Variants in MED23 observed in about 807,000 individuals in gnomAD.
MED23 encodes the protein mediator complex subunit 23, also known as mediator of RNA polymerase II transcription subunit 23.
MED23 carries 105 observed loss-of-function variants against 163.9 expected under a neutral mutation model. That is an observed-to-expected ratio of 0.64 (90% CI 0.55 to 0.75). The LOEUF (loss-of-function observed/expected upper bound fraction) is 0.75, where lower values mean the gene tolerates loss of function less well. Ranked by LOEUF, MED23 falls within the 30% of genes least tolerant of loss-of-function variation. The pLI, the probability that MED23 is intolerant of heterozygous loss-of-function variation, is 0.00. For missense variants in MED23, 1,054 were observed against 1,649.0 expected, an observed-to-expected ratio of 0.64 and a Z score of 6.25; for synonymous variants, 561 against 565.6, an observed-to-expected ratio of 0.99 and a Z score of 0.12.
At position 131,587,170 on chromosome 6, in the gene MED23, G is replaced by A; in HGVS notation, c.*509C>T. 8.5e-7 allele frequency: 1 copy of A among 1,171,670 alleles called. No individual in the cohort carries two copies. Among genetic ancestry groups the A allele is most frequent in the Non-Finnish European group, 1.1e-6 (1 of 936,294 alleles). 72.6% of individuals were successfully genotyped at this position (1,171,670 alleles called of 1,614,324 possible). ...CATTTTAAAAAGAATATGAAGCCTT[G>A]TTTGCTCCTACAATGCAACAAAATC... On this transcript the variant is annotated 3_prime_UTR_variant, in exon 29 of 29. Transcript: ENST00000368068.
intron 30 of MED23, chr6:131,581,098 C>A: frequency 2.1e-6 from 2 of 958,234 alleles, no homozygotes; most frequent in Non-Finnish European, 1.6e-6. Flanking sequence ...AATTCAGAAC[C>A]TATCAGAAAT....
rs1775772659 is a variant in MED23, at chr6:131,605,247, T to C, written c.1606A>G (p.Lys536Glu). 6.2e-7 allele frequency: 1 copy of C among 1,613,560 alleles called. No homozygotes were observed. Among genetic ancestry groups the C allele is most frequent in the Non-Finnish European group, 8.5e-7 (1 of 1,179,648 alleles). ...NLLDSLTVHAKMSLIHSIATR... is the reference protein window; with the variant it reads ...NLLDSLTVHAEMSLIHSIATR... ...TTAATAAAAAGAACATACCTCATTT[T>C]GGCATGAACTGTCAGTGAATCCAGG... The change falls in exon 14 of 29, where the codon AAA (lysine) becomes GAA (glutamate). Residue 536 changes from lysine to glutamate, a missense_variant. Physicochemically the swap from Lys to Glu is moderately conservative, Grantham distance 56. Transcript: ENST00000368068.
chr6:131,604,369 A>C (rs936865342), intron 14 of MED23, 49 bp from the exon 15 acceptor site: 1 of 1,574,164 alleles, frequency 6.4e-7, no homozygotes. Context: ...TTTTGACATA[A>C]ACATAGGGGC....
intron 24 of MED23, chr6:131,592,720 A>C (rs1396377399): frequency 1.7e-6 from 1 of 599,174 alleles, no homozygotes; most frequent in Non-Finnish European, 2.9e-6. Flanking sequence ...TCTTGAAAAC[A>C]AGATGAAGAG....
chr6:131,593,808 A>G lies in MED23; in HGVS notation c.3232+291T>C, dbSNP rs534565480. Among the ~76,000 whole-genome samples the G allele has an allele frequency of 2.2e-4, 34 of 152,274 alleles. 1 individual carries two copies. In the East Asian group the frequency reaches 6.4e-3, roughly 28 times the overall value. On this transcript the variant is annotated intron_variant, in intron 23 of 28. Coordinates refer to ENST00000368068, the MANE Select transcript of MED23 (RefSeq NM_004830.4). ...CATGTGCTACAAAATATAGTATGTA[A>G]GAATAAGATTTTTTCTTTGAAACAA...
intron 16 of MED23, 152 bp downstream of exon 16, chr6:131,602,878 T>C: frequency 1.3e-6 from 1 of 798,646 alleles, no homozygotes; most frequent in Non-Finnish European, 1.9e-6. Flanking sequence ...GCTCCTATAC[T>C]GGAAACAAAA....
chr6:131,605,212 T>C, intron 14 of MED23, 28 bp downstream of exon 14: 16 of 1,611,112 alleles, frequency 9.9e-6, no homozygotes, highest in Non-Finnish European at 1.4e-5. Flanking sequence ...TTCCCTGACA[T>C]GGAACCAAAT....
chr6:131,583,389 G>A (rs1478297270), downstream of MED23: 1 of 1,614,174 alleles, frequency 6.2e-7, no homozygotes, highest in East Asian at 2.2e-5. Context: ...TTTTGATGTT[G>A]ACGGACTGGA....
At chr6:131,613,062 C>A (rs1468371948) in intron 10 of MED23, among the ~76,000 whole-genome samples, 1 of 149,396 alleles carries the variant, frequency 6.7e-6, no homozygotes, top group Admixed American at 6.8e-5. Flanking sequence ...CTTTCAAAAT[C>A]ATATTCTCTG....
At chr6:131,586,053 A>G (rs1774164101), downstream of MED23, among the ~76,000 whole-genome samples, 1 of 152,248 alleles carries the variant, frequency 6.6e-6, no homozygotes, top group South Asian at 2.1e-4. Context: ...CTATGCTAAG[A>G]TTAACACTTG....
chr6:131,614,895 TGTTTTAGTA>T (rs1372079072), intron 10 of MED23, among the ~76,000 whole-genome samples: 1 of 151,692 alleles, frequency 6.6e-6, no homozygotes, highest in African/African-American at 2.4e-5. Flanking sequence ...TTTCTTTATT[TGTTTTAGTA>T]GTCTGGAAAG....
chr6:131,624,764 C>T (rs1777360104), intron 4 of MED23, 101 bp downstream of exon 4: 1 of 1,325,898 alleles, frequency 7.5e-7, no homozygotes, highest in Non-Finnish European at 1.1e-6. Flanking sequence ...ACCTCACCTT[C>T]TTCTTCATTC....
chr6:131,618,887 C>G (rs1776884976), intron 8 of MED23, among the ~76,000 whole-genome samples: 1 of 152,180 alleles, frequency 6.6e-6, no homozygotes, highest in Non-Finnish European at 1.5e-5. Context: ...GATTCTGTAG[C>G]CTACGAAGCT....
chr6:131,623,707 G>A (rs1486960325), intron 4 of MED23, among the ~76,000 whole-genome samples: 1 of 152,096 alleles, frequency 6.6e-6, no homozygotes. Flanking sequence ...CCCCTTCACT[G>A]GGCACTCATT....
intron 30 of MED23, chr6:131,579,446 G>GAAAC: frequency 1.4e-6 from 1 of 694,924 alleles, no homozygotes; most frequent in South Asian, 2.0e-5. Context: ...TTTTATTATA[G>GAAAC]AAACAGACTT....
chr6:131,614,260 C>T (rs1253455533), intron 10 of MED23, among the ~76,000 whole-genome samples: 1 of 152,142 alleles, frequency 6.6e-6, no homozygotes, highest in East Asian at 1.9e-4. Flanking sequence ...AAAAGAGATA[C>T]TGCTATTAGG....
chr6:131,591,506 G>T lies in MED23; in HGVS notation c.3493C>A (p.His1165Asn). ...ALPEPYWIVLHDRIVSVISSP... is the reference protein window; with the variant it reads ...ALPEPYWIVLNDRIVSVISSP... Reference sequence around the variant, plus strand: ...CTGATGACACTCACAATTCGATCATGAAGAACAATCCAATATGGCTCCTTT... The same window carrying T: ...CTGATGACACTCACAATTCGATCATTAAGAACAATCCAATATGGCTCCTTT... The change falls in exon 26 of 29, where the codon CAT becomes AAT. Residue 1165 changes from histidine (H) to asparagine (N), a missense_variant. His to Asn is a moderately conservative substitution (Grantham distance 68). Transcript: ENST00000368068. 1 of 1,613,450 alleles carries T rather than the reference G, an allele frequency of 6.2e-7. No individual in the cohort carries two copies.
chr6:131,623,454 C>A lies in MED23; in HGVS notation c.293G>T (p.Cys98Phe), dbSNP rs748302973. 6.2e-7 allele frequency: 1 copy of A among 1,613,590 alleles called. No homozygotes were observed. The highest frequency in any genetic ancestry group is 8.5e-7 in the Non-Finnish European group (1 of 1,179,636). ...ETGLLPPRLV[C>F]ESLINSDTLE... ...AGTGTCAGAGTTTATCAGGGATTCA[C>A]AAACCAGCCTATAAAAAAAGAAATA... The change falls in exon 5 of 29, where the codon TGT becomes TTT. Residue 98 changes from cysteine to phenylalanine, a missense_variant. Physicochemically the swap from Cys to Phe is radical, Grantham distance 205 (BLOSUM62 -2). Around this residue, in one of 11 missense-constraint regions of MED23, gnomAD observed 227 missense variants for 235.5 expected, o/e 0.96. Transcript: ENST00000368068.
At chr6:131,594,012 A>T (rs1436604953) in intron 23 of MED23, 87 bp downstream of exon 23, 3 of 1,169,682 alleles carry the variant, frequency 2.6e-6, no homozygotes, top group African/African-American at 3.1e-5. Flanking sequence ...TGAAATACAT[A>T]AAAAATTACT....
Sources: gnomAD v4.1 joint callset for allele counts (sites outside exome capture counted in the v4.1 genomes callset) on GRCh38, gnomAD v4.1.1 for gene constraint, gnomAD v4.1.1 regional missense constraint, MANE v1.5 for transcripts, NCBI Gene and HGNC (gene_info 2026-07-23, HGNC 2026-07-21) for gene names.